Variants in PRH1 observed in about 807,000 individuals in gnomAD.
PRH1 encodes salivary acidic proline-rich phosphoprotein 1/2.
A neutral mutation model predicts 7.9 loss-of-function variants in PRH1; 7 were observed. The observed-to-expected ratio is 0.89, with a 90% CI of 0.50 to 1.67. The LOEUF (loss-of-function observed/expected upper bound fraction) is 1.67, where lower values mean the gene tolerates loss of function less well. Among genes scored for constraint, PRH1 ranks in the 40% most tolerant of loss-of-function variants. The pLI is 0.00. For missense variants in PRH1, 109 were observed against 223.6 expected (o/e 0.49, Z 3.27); for synonymous variants, 45 against 80.8 (o/e 0.56, Z 2.38).
At chr12:10,919,742 C>A (rs1331267080) in intron 2 of PRH1, among the ~76,000 whole-genome samples, 7 of 151,718 alleles carry the variant, frequency 4.6e-5, no homozygotes, top group African/African-American at 1.5e-4. Context: ...TAAGAATAAA[C>A]AATCTGGTCT....
At chr12:11,113,716 G>C (rs958357892) in intron 1 of PRH1, among the ~76,000 whole-genome samples, 1 of 152,146 alleles carries the variant, frequency 6.6e-6, no homozygotes, top group Non-Finnish European at 1.5e-5. Context: ...TGTACAAATG[G>C]AATCTAATTA....
At chr12:11,060,412 T>C (rs1400401506) in intron 1 of PRH1, among the ~76,000 whole-genome samples, 26 of 151,914 alleles carry the variant, frequency 1.7e-4, no homozygotes, top group Non-Finnish European at 5.9e-5. Flanking sequence ...TTGGGTTCTG[T>C]TACCTGAAGT....
intron 1 of PRH1, among the ~76,000 whole-genome samples, chr12:11,101,322 T>C (rs1945240781): frequency 6.6e-6 from 1 of 152,110 alleles, no homozygotes; most frequent in Admixed American, 6.6e-5. Context: ...ACCATGTCTC[T>C]ACAAAAAAAT....
intron 1 of PRH1, among the ~76,000 whole-genome samples, chr12:11,147,525 T>G (rs1462307316): frequency 6.6e-6 from 1 of 152,212 alleles, no homozygotes. Flanking sequence ...AATTTACTGT[T>G]GGCAATAGAT....
intron 1 of PRH1, among the ~76,000 whole-genome samples, chr12:11,081,095 C>T (rs1450172589): frequency 1.5e-4 from 16 of 104,100 alleles, no homozygotes; most frequent in South Asian, 2.6e-4. Flanking sequence ...CTATTTTCTC[C>T]CCTCTACTGT....
At chr12:11,002,290 C>T (rs1940629170) in intron 1 of PRH1, among the ~76,000 whole-genome samples, 1 of 152,052 alleles carries the variant, frequency 6.6e-6, no homozygotes. Context: ...TGACTTCAAT[C>T]ATGTTTTCTA....
intron 1 of PRH1, among the ~76,000 whole-genome samples, chr12:11,149,931 G>T (rs1195719093): frequency 1.5e-5 from 2 of 134,042 alleles, no homozygotes; most frequent in South Asian, 4.5e-4. Context: ...CTGACAAAGG[G>T]CTAATATCCA....
At chr12:11,038,806 A>C (rs1268857573) in intron 1 of PRH1, among the ~76,000 whole-genome samples, 1 of 152,248 alleles carries the variant, frequency 6.6e-6, no homozygotes, top group Non-Finnish European at 1.5e-5. Context: ...GTGATCCTTC[A>C]TCTTAATCAG....
chr12:11,070,490 G>T (rs148169954), intron 1 of PRH1, among the ~76,000 whole-genome samples: 523 of 151,876 alleles, frequency 3.4e-3, no homozygotes, highest in African/African-American at 0.012. Context: ...CACTGCACTT[G>T]ATCTCCAAAG....
At chr12:11,010,990 A>T (rs1941045177) in intron 1 of PRH1, among the ~76,000 whole-genome samples, 1 of 152,068 alleles carries the variant, frequency 6.6e-6, no homozygotes, top group African/African-American at 2.4e-5. Flanking sequence ...GAATTTGAGA[A>T]ATTATGATTA....
intron 2 of PRH1, among the ~76,000 whole-genome samples, chr12:10,907,167 A>T (rs1222637106): frequency 1.3e-5 from 2 of 152,148 alleles, no homozygotes; most frequent in Non-Finnish European, 2.9e-5. Context: ...TGGTGCAACC[A>T]CTCTATAGAA....
At chr12:11,126,117 T>C (rs1185650688) in intron 1 of PRH1, among the ~76,000 whole-genome samples, 1 of 152,188 alleles carries the variant, frequency 6.6e-6, no homozygotes, top group Admixed American at 6.5e-5. Context: ...TAGAAAAAAA[T>C]TATAGCATTA....
At chr12:11,031,139 C>A in intron 1 of PRH1, 1 of 1,614,212 alleles carries the variant, frequency 6.2e-7, no homozygotes, top group Non-Finnish European at 8.5e-7. Context: ...AGTTGAATAC[C>A]AATTTAATAA....
At chr12:11,167,365 C>T (rs1947611541) in intron 1 of PRH1, among the ~76,000 whole-genome samples, 1 of 152,118 alleles carries the variant, frequency 6.6e-6, no homozygotes, top group South Asian at 2.1e-4. Context: ...TTTCTTGTTA[C>T]CTACTGAAAT....
intron 1 of PRH1, among the ~76,000 whole-genome samples, chr12:11,018,238 T>A (rs10732561): frequency 6.6e-6 from 1 of 151,980 alleles, no homozygotes; most frequent in African/African-American, 2.4e-5. Context: ...CAGTGGAGGA[T>A]TATCCGCTGT....
At chr12:11,040,762 T>C (rs1185532909) in intron 1 of PRH1, among the ~76,000 whole-genome samples, 1 of 152,130 alleles carries the variant, frequency 6.6e-6, no homozygotes, top group Non-Finnish European at 1.5e-5. Context: ...CAATAAGATA[T>C]TAATAGTGAA....
chr12:10,975,896 A>G (rs932904163), intron 1 of PRH1, among the ~76,000 whole-genome samples: 1 of 152,216 alleles, frequency 6.6e-6, no homozygotes, highest in African/African-American at 2.4e-5. Context: ...TATGCAGCCA[A>G]CATAGGAACA....
intron 2 of PRH1, among the ~76,000 whole-genome samples, chr12:10,920,767 C>A (rs1950034678): frequency 6.6e-6 from 1 of 151,898 alleles, no homozygotes; most frequent in South Asian, 2.1e-4. Flanking sequence ...AGTTAAATGA[C>A]CTAACGAAAT....
chr12:11,040,804 T>G (rs1942676366), intron 1 of PRH1, among the ~76,000 whole-genome samples: 1 of 152,186 alleles, frequency 6.6e-6, no homozygotes, highest in Non-Finnish European at 1.5e-5. Context: ...AAGATGGAGT[T>G]AAGGTGCAGA....
Sources: gnomAD v4.1 joint callset for allele counts (sites outside exome capture counted in the v4.1 genomes callset) on GRCh38, gnomAD v4.1.1 for gene constraint, MANE v1.5 for transcripts, NCBI Gene and HGNC (gene_info 2026-07-23, HGNC 2026-07-21) for gene names.